Variants in PARP14 observed in about 807,000 individuals in gnomAD.
PARP14 encodes protein mono-ADP-ribosyltransferase PARP14.
A neutral mutation model predicts 154.2 loss-of-function variants in PARP14; 59 were observed. The observed-to-expected ratio is 0.38, with a 90% CI of 0.31 to 0.48. PARP14 has a LOEUF of 0.48. Ranked by LOEUF, PARP14 falls within the 20% of genes least tolerant of loss-of-function variation. The probability of loss-of-function intolerance (pLI) is 0.98; values close to 1 mark genes in which losing one functional copy is unlikely to be tolerated. For synonymous variants in PARP14, 720 were observed against 780.5 expected (o/e 0.92, Z 1.29); for missense variants, 1,734 against 2,131.6 (o/e 0.81, Z 3.67).
intron 3 of PARP14, 89 bp downstream of exon 3, chr3:122,687,202 T>C: frequency 2.3e-6 from 2 of 881,590 alleles, no homozygotes; most frequent in Non-Finnish European, 1.9e-6. Context: ...CCCTCTCTTC[T>C]TGACTTCCAC....
chr3:122,712,711 C>T (rs1939363352), intron 9 of PARP14, among the ~76,000 whole-genome samples: 1 of 151,952 alleles, frequency 6.6e-6, no homozygotes, highest in Admixed American at 6.6e-5. Context: ...GCACCACCAT[C>T]CCAGCTAATA....
At chr3:122,707,260 A>C (rs1401023463) in intron 8 of PARP14, among the ~76,000 whole-genome samples, 1 of 152,066 alleles carries the variant, frequency 6.6e-6, no homozygotes, top group East Asian at 1.9e-4. Context: ...TAAAAATACA[A>C]AAATTACCTC....
chr3:122,718,848 C>T lies in PARP14; in HGVS notation c.4697C>T (p.Thr1566Ile). 2 of 1,613,864 alleles carry T rather than the reference C, an allele frequency of 1.2e-6. No individual in the cohort carries two copies. The highest frequency in any genetic ancestry group is 1.6e-4 in the Middle Eastern group (1 of 6,062). ...LEDARREKKKTVDVKINHRHY... is the reference protein window; with the variant it reads ...LEDARREKKKIVDVKINHRHY... ...GATGCAAGGAGAGAAAAGAAAAAAACAGTTGATGTCAAAATTAATCATCGG... is the reference window on the plus strand; with the variant it reads ...GATGCAAGGAGAGAAAAGAAAAAAATAGTTGATGTCAAAATTAATCATCGG... Residue 1566 changes from threonine (T) to isoleucine (I), a missense_variant, in exon 14 of 17, where the codon ACA becomes ATA. Physicochemically the swap from Thr to Ile is moderately conservative, Grantham distance 89. Coordinates refer to ENST00000474629, the MANE Select transcript of PARP14 (RefSeq NM_017554.3).
Position 122,681,378 on chromosome 3 carries a change from TTTG to T in PARP14, c.187+322_187+324del, listed in dbSNP as rs537415263. Among the ~76,000 whole-genome samples the T allele has an allele frequency of 1.3e-5, 2 of 152,178 alleles. No homozygotes were observed. The highest frequency in any genetic ancestry group is 2.4e-5 in the African/African-American group (1 of 41,448). ...TTTCCCTGTTGTGGTGGTGTTATTG[TTTG>T]TTGTTGTTGTTGTGGAAGTGAGTCT... On this transcript the variant is annotated intron_variant, in intron 1 of 16. Coordinates refer to ENST00000474629, the MANE Select transcript of PARP14 (RefSeq NM_017554.3). This position sits in a 1 kb window ranked among gnomAD's most constrained non-coding sequence, Gnocchi z 5.5.
At chr3:122,712,611 G>A (rs528169891) in intron 9 of PARP14, among the ~76,000 whole-genome samples, 3 of 151,530 alleles carry the variant, frequency 2.0e-5, no homozygotes, top group African/African-American at 7.3e-5. Flanking sequence ...GGAGTGCAGT[G>A]GCACAATCTC....
Position 122,681,095 on chromosome 3 carries a change from A to T in PARP14, c.187+25A>T. The T allele has an allele frequency of 6.9e-7, 1 of 1,443,084 alleles. No homozygotes were observed. Among genetic ancestry groups the T allele is most frequent in the African/African-American group, 1.4e-5 (1 of 69,136 alleles). 89.4% of individuals were successfully genotyped at this position (1,443,084 alleles called of 1,614,324 possible). A position where few individuals can be genotyped will look rare whatever the true frequency, so the allele number is the denominator to read the frequency against. On this transcript the variant is annotated intron_variant, in intron 1 of 16. Transcript: ENST00000474629. The surrounding 1 kb of genome is among the most constrained non-coding windows in gnomAD (Gnocchi z 5.5). ...GGTGAGGGGCGCGAGGGGTGGGGTG[A>T]GGAGGGGGCACCTCTGCCCTCCCTC...
chr3:122,683,064 A>AAAAC (rs902886622), intron 1 of PARP14, among the ~76,000 whole-genome samples: 60 of 152,058 alleles, frequency 3.9e-4, no homozygotes, highest in African/African-American at 1.4e-3. Flanking sequence ...AAACAAAACA[A>AAAAC]AAACAAACAA....
At chr3:122,699,021 G>A (rs972114966) in intron 5 of PARP14, among the ~76,000 whole-genome samples, 13 of 152,160 alleles carry the variant, frequency 8.5e-5, no homozygotes, top group Non-Finnish European at 1.5e-5. Context: ...ACAGTAAACA[G>A]AATTTAATTA....
In PARP14 at chr3:122,699,985, G is replaced by T. The variant is rs1938901406; in HGVS notation, c.1431G>T (p.Arg477Ser). 3 of 1,613,902 alleles carry T rather than the reference G, an allele frequency of 1.9e-6. No individual in the cohort carries two copies. In the East Asian group the frequency reaches 6.7e-5, roughly 36 times the overall value. Reference sequence around the variant, plus strand: ...AAAAAATGATCATTTCTCCAGGCAGGTATTTTCTTTTGTGTCACAGCAGTC... The same window carrying T: ...AAAAAATGATCATTTCTCCAGGCAGTTATTTTCTTTTGTGTCACAGCAGTC... ...LKEKMIISPG[R>S]YFLLCHSSLL... The change falls in exon 6 of 17, where the codon AGG becomes AGT. Residue 477 changes from arginine to serine, a missense_variant. Physicochemically the swap from Arg to Ser is moderately radical, Grantham distance 110. This residue lies in a region of PARP14 where 1,646 missense variants were observed against 1,976.0 expected (regional missense o/e 0.83). Coordinates refer to ENST00000474629, the MANE Select transcript of PARP14 (RefSeq NM_017554.3).
chr3:122,713,322 AGG>A (rs1939381195), intron 9 of PARP14, 100 bp from the exon 10 acceptor site: 73 of 845,352 alleles, frequency 8.6e-5, no homozygotes, highest in Middle Eastern at 2.3e-4. Context: ...ACAGAAAGAG[AGG>A]GAGAGGGAAG....
intron 1 of PARP14, among the ~76,000 whole-genome samples, chr3:122,684,554 G>T (rs1425968448): frequency 6.6e-6 from 1 of 152,002 alleles, no homozygotes; most frequent in African/African-American, 2.4e-5. Flanking sequence ...TATGTCCACT[G>T]TTCAGTTGTT....
chr3:122,695,729 A>T lies in PARP14; in HGVS notation c.835+67A>T, dbSNP rs1477378611. The T allele has an allele frequency of 1.1e-5, 8 of 725,250 alleles. No individual in the cohort carries two copies. The Admixed American group carries it at 2.1e-4, about 19-fold the overall frequency. 44.9% of individuals were successfully genotyped at this position (725,250 alleles called of 1,614,324 possible). A position where few individuals can be genotyped will look rare whatever the true frequency, so the allele number is the denominator to read the frequency against. On this transcript the variant is annotated intron_variant, in intron 5 of 16. Transcript: ENST00000474629. Reference sequence around the variant, plus strand: ...ATTATTAGCAGAGCTTAATAGTTATAAATTTAGTTCTGATGTGTTTTATTT... The same window carrying T: ...ATTATTAGCAGAGCTTAATAGTTATTAATTTAGTTCTGATGTGTTTTATTT...
intron 9 of PARP14, among the ~76,000 whole-genome samples, chr3:122,709,480 A>G (rs1939255053): frequency 6.6e-6 from 1 of 152,126 alleles, no homozygotes; most frequent in African/African-American, 2.4e-5. Flanking sequence ...TTGGTTCCAT[A>G]TCTTAAATTG....
rs1331734626 is a variant in PARP14 at position 122,695,517 on chromosome 3, C to T, written c.690C>T (p.Ile230=). 6 of 1,609,908 alleles carry T rather than the reference C, an allele frequency of 3.7e-6. No homozygotes were observed. The East Asian group carries it at 1.3e-4, about 36-fold the overall frequency. The change falls in exon 5 of 17, where the codon ATC becomes ATT. Residue 230 remains isoleucine (I), a synonymous_variant. Coordinates refer to ENST00000474629, the MANE Select transcript of PARP14 (RefSeq NM_017554.3). ...SPRLLEVTNT[I]RVENLPPGAD... is the part of the protein sequence containing the mutation. ...GACTTCTGGAAGTGACAAACACAAT[C>T]AGGGTTGAAAACCTGCCACCTGGTG...
intron 5 of PARP14, among the ~76,000 whole-genome samples, chr3:122,698,665 A>G (rs1333745980): frequency 6.6e-6 from 1 of 152,198 alleles, no homozygotes; most frequent in Non-Finnish European, 1.5e-5. Context: ...GATAATAATA[A>G]TGTCTCTACC....
Position 122,701,611 on chromosome 3 carries a change from G to GA in PARP14, c.3060dup (p.Glu1021ArgfsTer7), listed in dbSNP as rs1560064052. 6.3e-7 allele frequency: 1 copy of GA among 1,599,836 alleles called. No homozygotes were observed. Reference sequence around the variant, plus strand: ...CGGGAGGCCTGCAGATGCTGTTGGTGAAAGAGGGTGTGCAGAATGCTAAGG... The same window carrying GA: ...CGGGAGGCCTGCAGATGCTGTTGGTGAAAAGAGGGTGTGCAGAATGCTAAGG... On this transcript the variant is annotated frameshift_variant, in exon 6 of 17. Transcript: ENST00000474629. LOFTEE classifies it high-confidence loss of function. This position sits in a 1 kb window ranked among gnomAD's most constrained non-coding sequence, Gnocchi z 4.0.
chr3:122,695,549 A>T lies in PARP14; in HGVS notation c.722A>T (p.Asp241Val). ...RVENLPPGAD[D>V]YSLKLFFENP... Reference sequence around the variant, plus strand: ...GAAAACCTGCCACCTGGTGCTGATGACTACAGTTTAAAACTTTTCTTTGAA... The same window carrying T: ...GAAAACCTGCCACCTGGTGCTGATGTCTACAGTTTAAAACTTTTCTTTGAA... Residue 241 changes from aspartate to valine, a missense_variant, in exon 5 of 17, where the codon GAC becomes GTC. By Grantham distance (152) the Asp-to-Val change is radical. This residue lies in a region of PARP14 where 1,646 missense variants were observed against 1,976.0 expected (regional missense o/e 0.83). Transcript: ENST00000474629. 6.2e-7 allele frequency: 1 copy of T among 1,608,310 alleles called. No individual in the cohort carries two copies. Among genetic ancestry groups the T allele is most frequent in the African/African-American group, 1.3e-5 (1 of 74,952 alleles).
chr3:122,707,588 C>T (rs2107647942), intron 8 of PARP14, among the ~76,000 whole-genome samples: 2 of 152,190 alleles, frequency 1.3e-5, no homozygotes, highest in Middle Eastern at 6.8e-3. Flanking sequence ...GCTTGAGCAA[C>T]ATAGGGAGAT....
In PARP14 at chr3:122,700,668, G is replaced by T; in HGVS notation, c.2114G>T (p.Ser705Ile). The change falls in exon 6 of 17, where the codon AGT becomes ATT. Residue 705 changes from serine (S) to isoleucine (I), a missense_variant. Ser to Ile is a moderately radical substitution (Grantham distance 142). Coordinates refer to ENST00000474629, the MANE Select transcript of PARP14 (RefSeq NM_017554.3). ...ATAAAGAAGGTAAATGTGCAGGTAA[G>T]TTTCAATCCTGAGAACAAACAAAAA... ...PKIKKVNVQV[S>I]FNPENKQKGI... 1.9e-6 allele frequency: 3 copies of T among 1,608,728 alleles called. No homozygotes were observed. In the East Asian group the frequency reaches 6.7e-5, roughly 36 times the overall value.
Sources: allele counts gnomAD v4.1 joint callset (sites outside exome capture counted in the v4.1 genomes callset), GRCh38; gene constraint gnomAD v4.1.1; regional missense constraint gnomAD v4.1.1; non-coding constraint Gnocchi (gnomAD v3.1); transcripts MANE v1.5; gene names NCBI Gene and HGNC (gene_info 2026-07-23, HGNC 2026-07-21).